PAQR8: variants seen among roughly 807,000 people sequenced by gnomAD.
PAQR8 encodes the protein progestin and adipoQ receptor family member 8, also known as membrane progestin receptor beta.
In PAQR8, 17 loss-of-function variants were observed where a neutral mutation model predicts 25.2. The ratio of observed to expected loss-of-function variants is 0.67; its 90% confidence interval spans 0.46 to 1.01. The LOEUF (loss-of-function observed/expected upper bound fraction) is 1.01. Ranked by LOEUF, PAQR8 falls within the 50% of genes least tolerant of loss-of-function variation. PAQR8 has a pLI of 0.00. For missense variants in PAQR8, 392 were observed against 448.4 expected, an observed-to-expected ratio of 0.87 and a Z score of 1.14; for synonymous variants, 204 against 190.6, an observed-to-expected ratio of 1.07 and a Z score of -0.58.
At chr6:52,365,976 C>G (rs1358781624) in intron 1 of PAQR8, among the ~76,000 whole-genome samples, 1 of 152,028 alleles carries the variant, frequency 6.6e-6, no homozygotes, top group Non-Finnish European at 1.5e-5. Context: ...AAATATTATT[C>G]TAACGAAACA....
rs200187474 is a variant in PAQR8 at position 52,404,028 on chromosome 6, C to T, written c.815C>T (p.Pro272Leu). 10 of 1,614,216 alleles carry T rather than the reference C, an allele frequency of 6.2e-6. No individual in the cohort carries two copies. The highest frequency in any genetic ancestry group is 8.5e-6 in the Non-Finnish European group (10 of 1,180,046). Residue 272 changes from proline (P) to leucine (L), a missense_variant, in exon 2 of 2, where the codon CCG becomes CTG. Pro to Leu is a moderately conservative substitution (Grantham distance 98). Transcript: ENST00000442253. ...TGCCCCGTGCCTGAGAAGTACTTCC[C>T]GGGTTCCTGTGACATCGTGGGCCAT... ...FSCPVPEKYF[P>L]GSCDIVGHGH...
intron 1 of PAQR8, among the ~76,000 whole-genome samples, chr6:52,402,945 G>T (rs759398416): frequency 3.3e-5 from 5 of 152,144 alleles, no homozygotes; most frequent in Non-Finnish European, 7.4e-5. Flanking sequence ...TTATCCGGGC[G>T]TGTTGGCGTG....
intron 1 of PAQR8, among the ~76,000 whole-genome samples, chr6:52,369,661 G>A (rs150804521): frequency 6.6e-6 from 1 of 152,316 alleles, no homozygotes; most frequent in African/African-American, 2.4e-5. Context: ...ATGACTGTTG[G>A]TGAAAACTAT....
rs762490772 is a variant in PAQR8 at position 52,403,434 on chromosome 6, A to G, written c.221A>G (p.Asn74Ser). 103 of 1,614,112 alleles carry G rather than the reference A, an allele frequency of 6.4e-5. No homozygotes were observed. Among genetic ancestry groups the G allele is most frequent in the Non-Finnish European group, 8.6e-5 (102 of 1,180,048 alleles). ...TTCTTCAGCCTCTTTCAGAAACACA[A>G]CGAGGTGGTCAACGTCTGGACCCAT... ...YYFFSLFQKH[N>S]EVVNVWTHLL... Residue 74 changes from asparagine (N) to serine (S), a missense_variant, in exon 2 of 2, where the codon AAC (asparagine) becomes AGC (serine). By Grantham distance (46) the Asn-to-Ser change is conservative. Transcript: ENST00000442253.
chr6:52,392,332 A>C (rs1378936878), intron 1 of PAQR8, among the ~76,000 whole-genome samples: 4 of 150,378 alleles, frequency 2.7e-5, no homozygotes, highest in African/African-American at 4.9e-5. Context: ...TGACAGAGCG[A>C]GACTCCATCT....
chr6:52,367,136 A>G (rs1763363387), intron 1 of PAQR8, among the ~76,000 whole-genome samples: 1 of 151,916 alleles, frequency 6.6e-6, no homozygotes, highest in African/African-American at 2.4e-5. Flanking sequence ...GACATTTTTG[A>G]TTGTCATACC....
At chr6:52,399,070 A>G (rs1458179719) in intron 1 of PAQR8, among the ~76,000 whole-genome samples, 3 of 152,156 alleles carry the variant, frequency 2.0e-5, no homozygotes, top group African/African-American at 7.2e-5. Context: ...CTCATTTGTA[A>G]GGGAAATGAT....
Position 52,364,083 on chromosome 6 carries a change from G to GTTTTTTTT in PAQR8, c.-53+1847_-53+1854dup, listed in dbSNP as rs67846872. On this transcript the variant is annotated intron_variant, in intron 1 of 1. Coordinates refer to ENST00000442253, the MANE Select transcript of PAQR8 (RefSeq NM_133367.5). ...AGTGGATATATCCATTGAAAGATAT[G>GTTTTTTTT]TTTTTTTTTTTTTTTTTTTTGCGGG... Among the ~76,000 whole-genome samples the GTTTTTTTT allele has an allele frequency of 9.9e-3, 838 of 84,242 alleles. 135 individuals are homozygous for GTTTTTTTT. The highest frequency in any genetic ancestry group is 0.022 in the African/African-American group (479 of 21,814). The allele number at this position is 84,242 out of a possible 152,430, so 55.3% of individuals were successfully genotyped here.
intron 1 of PAQR8, among the ~76,000 whole-genome samples, chr6:52,368,828 T>G (rs939019736): frequency 1.3e-5 from 2 of 152,166 alleles, no homozygotes; most frequent in African/African-American, 4.8e-5. Flanking sequence ...AAATCTCACC[T>G]TGAATTGTAT....
intron 1 of PAQR8, among the ~76,000 whole-genome samples, chr6:52,369,500 C>T (rs1763392275): frequency 6.6e-6 from 1 of 152,228 alleles, no homozygotes; most frequent in African/African-American, 2.4e-5. Context: ...CTGTCCTTAA[C>T]ACCTGCTCTT....
chr6:52,394,619 G>A (rs1045365976), intron 1 of PAQR8, among the ~76,000 whole-genome samples: 5 of 152,166 alleles, frequency 3.3e-5, no homozygotes, highest in Admixed American at 1.3e-4. Flanking sequence ...AGTACCCTAC[G>A]GTGTCCTCTG....
At chr6:52,376,145 G>C (rs538026252) in intron 1 of PAQR8, among the ~76,000 whole-genome samples, 3 of 152,298 alleles carry the variant, frequency 2.0e-5, no homozygotes, top group African/African-American at 7.2e-5. Flanking sequence ...AATTTGGAGA[G>C]TATTAAGATA....
chr6:52,362,185 C>T lies in PAQR8; in HGVS notation c.-117C>T, dbSNP rs1763297189. The T allele has an allele frequency of 6.6e-6, 1 of 151,782 alleles. No individual in the cohort carries two copies. The highest frequency in any genetic ancestry group is 2.4e-5 in the African/African-American group (1 of 41,396). 9.4% of individuals were successfully genotyped at this position (151,782 alleles called of 1,614,324 possible). A position where few individuals can be genotyped will look rare whatever the true frequency, so the allele number is the denominator to read the frequency against. On this transcript the variant is annotated 5_prime_UTR_variant, in exon 1 of 2. Coordinates refer to ENST00000442253, the MANE Select transcript of PAQR8 (RefSeq NM_133367.5). The surrounding 1 kb of genome is among the most constrained non-coding windows in gnomAD (Gnocchi z 4.1). The stretch of plus-strand genomic sequence containing the variant: ...CGCGGGAAGCTCGTGGCCGGGACCC[C>T]GAGGCGGGAGCGCGGGCTGGGCCGG...
intron 1 of PAQR8, among the ~76,000 whole-genome samples, chr6:52,386,159 C>A (rs1763630692): frequency 6.9e-6 from 1 of 144,410 alleles, no homozygotes; most frequent in Non-Finnish European, 1.5e-5. Context: ...TATCTCACAC[C>A]AGTCAGAATG....
intron 1 of PAQR8, among the ~76,000 whole-genome samples, chr6:52,379,886 C>T (rs916862959): frequency 2.0e-4 from 31 of 152,256 alleles, no homozygotes; most frequent in Middle Eastern, 3.4e-3. Flanking sequence ...CTCGGCCTCC[C>T]AAAGTGCTGG....
At chr6:52,369,621 T>A (rs1763394073) in intron 1 of PAQR8, among the ~76,000 whole-genome samples, 1 of 152,202 alleles carries the variant, frequency 6.6e-6, no homozygotes, top group Non-Finnish European at 1.5e-5. Flanking sequence ...CTCTGCTGAA[T>A]AATGTCTATG....
rs552108033 is a variant in PAQR8, at chr6:52,406,311, G to C, written c.*2033G>C. The C allele has an allele frequency of 2.2e-5, 9 of 409,596 alleles. No homozygotes were observed. The highest frequency in any genetic ancestry group is 4.1e-5 in the African/African-American group (2 of 48,666). The allele number at this position is 409,596 out of a possible 1,614,324, so 25.4% of individuals were successfully genotyped here. ...GGAGAAGGGAGGGAAGAGAGCAGAA[G>C]GGAAGAAGGTGTAAGTCAAGCTCTT... On this transcript the variant is annotated 3_prime_UTR_variant, in exon 2 of 2. Coordinates refer to ENST00000442253, the MANE Select transcript of PAQR8 (RefSeq NM_133367.5).
chr6:52,374,489 CTG>C (rs1763459146), intron 1 of PAQR8, among the ~76,000 whole-genome samples: 1 of 152,178 alleles, frequency 6.6e-6, no homozygotes, highest in African/African-American at 2.4e-5. Flanking sequence ...TCATAGCTCA[CTG>C]TGACCTTGAG....
intron 1 of PAQR8, among the ~76,000 whole-genome samples, chr6:52,397,422 G>A (rs955240948): frequency 2.0e-5 from 3 of 152,094 alleles, no homozygotes; most frequent in Admixed American, 2.0e-4. Context: ...GCTGCCCCAG[G>A]ATACTCCGAG....
Sources: gnomAD v4.1 joint callset for allele counts (sites outside exome capture counted in the v4.1 genomes callset) on GRCh38, gnomAD v4.1.1 for gene constraint, Gnocchi (gnomAD v3.1) non-coding constraint, MANE v1.5 for transcripts, NCBI Gene and HGNC (gene_info 2026-07-23, HGNC 2026-07-21) for gene names.